The following TSHZ2 variants were observed in gnomAD, a reference collection of about 807,000 sequenced individuals.
TSHZ2 encodes teashirt homolog 2.
TSHZ2 carries 21 observed loss-of-function variants against 74.4 expected under a neutral mutation model. The observed-to-expected ratio is 0.28, with a 90% confidence interval of 0.20 to 0.41. The LOEUF is 0.41. Ranked by LOEUF, TSHZ2 falls within the 10% of genes least tolerant of loss-of-function variation. The probability of loss-of-function intolerance (pLI) is 1.00; values close to 1 mark genes in which losing one functional copy is unlikely to be tolerated. For missense variants in TSHZ2, 1,244 were observed against 1,293.5 expected, an observed-to-expected ratio of 0.96 and a Z score of 0.59; for synonymous variants, 540 against 515.3, an observed-to-expected ratio of 1.05 and a Z score of -0.65.
At chr20:53,343,893 C>T (rs966793165) in intron 2 of TSHZ2, among the ~76,000 whole-genome samples, 8 of 152,182 alleles carry the variant, frequency 5.3e-5, no homozygotes, top group Non-Finnish European at 7.3e-5. Context: ...AGCCTATCCC[C>T]GGCTCTAGCG....
chr20:53,126,863 C>G (rs1238972712), intron 1 of TSHZ2, among the ~76,000 whole-genome samples: 1 of 152,082 alleles, frequency 6.6e-6, no homozygotes, highest in African/African-American at 2.4e-5. Flanking sequence ...GAAATCTGAG[C>G]AATCCATCAG....
At chr20:53,319,805 G>A (rs577583512) in intron 2 of TSHZ2, among the ~76,000 whole-genome samples, 6 of 152,306 alleles carry the variant, frequency 3.9e-5, no homozygotes, top group East Asian at 1.9e-4. Context: ...AGCCTAGAGC[G>A]GAGCAAGCAC....
chr20:53,482,807 G>C (rs1986189784), intron 2 of TSHZ2, among the ~76,000 whole-genome samples: 1 of 152,080 alleles, frequency 6.6e-6, no homozygotes, highest in South Asian at 2.1e-4. Context: ...TCAGGAGGCT[G>C]AGGTGGGAAG....
chr20:53,238,446 G>A (rs1450237927), intron 1 of TSHZ2, among the ~76,000 whole-genome samples: 1 of 152,064 alleles, frequency 6.6e-6, no homozygotes, highest in East Asian at 1.9e-4. Context: ...TTCCACCTTT[G>A]AGTCATAGGT....
At chr20:53,357,039 C>T (rs1189213625) in intron 2 of TSHZ2, among the ~76,000 whole-genome samples, 1 of 151,890 alleles carries the variant, frequency 6.6e-6, no homozygotes, top group African/African-American at 2.4e-5. Context: ...TTTTTAAATC[C>T]CTAAAACACA....
intron 1 of TSHZ2, among the ~76,000 whole-genome samples, chr20:53,216,477 A>G (rs544024937): frequency 6.6e-6 from 1 of 152,360 alleles, no homozygotes; most frequent in East Asian, 1.9e-4. Flanking sequence ...ACCCCTAGCT[A>G]GGATATGTCA....
chr20:53,379,240 G>A (rs987041759), intron 2 of TSHZ2, among the ~76,000 whole-genome samples: 1 of 152,162 alleles, frequency 6.6e-6, no homozygotes, highest in Non-Finnish European at 1.5e-5. Context: ...AAATTAGCCA[G>A]CCGTGGTGTC....
At chr20:53,017,681 A>G (rs6013602) in intron 1 of TSHZ2, among the ~76,000 whole-genome samples, 11,854 of 152,198 alleles carry the variant, frequency 0.078, 553 homozygotes, top group East Asian at 0.13. Flanking sequence ...CAAACAGCCT[A>G]ATATTTACTA....
chr20:53,051,569 A>C (rs2123132177), intron 1 of TSHZ2, among the ~76,000 whole-genome samples: 1 of 152,266 alleles, frequency 6.6e-6, no homozygotes, highest in Non-Finnish European at 1.5e-5. Flanking sequence ...GAAAACATCA[A>C]GATATCAAGT....
intron 1 of TSHZ2, among the ~76,000 whole-genome samples, chr20:53,203,451 C>T (rs1467195458): frequency 6.6e-6 from 1 of 151,974 alleles, no homozygotes; most frequent in Non-Finnish European, 1.5e-5. Context: ...CACCTCCACC[C>T]AAATTTTAAG....
intron 1 of TSHZ2, among the ~76,000 whole-genome samples, chr20:53,250,719 A>G (rs1338538532): frequency 6.6e-6 from 1 of 151,428 alleles, no homozygotes; most frequent in Non-Finnish European, 1.5e-5. Context: ...TTTTATCTGT[A>G]TTGTGGGGGA....
chr20:53,289,939 A>T (rs955880890), intron 2 of TSHZ2, among the ~76,000 whole-genome samples: 1 of 152,246 alleles, frequency 6.6e-6, no homozygotes, highest in Non-Finnish European at 1.5e-5. Context: ...CTATTATTTC[A>T]ATGATAACTT....
chr20:53,452,598 CAAAAAAA>C (rs11313655), intron 2 of TSHZ2, among the ~76,000 whole-genome samples: 2 of 121,302 alleles, frequency 1.6e-5, no homozygotes, highest in South Asian at 2.6e-4. Flanking sequence ...GACTCTGTCT[CAAAAAAA>C]AAAAAAAAAA....
At chr20:53,110,158 A>T (rs1986490997) in intron 1 of TSHZ2, among the ~76,000 whole-genome samples, 1 of 152,104 alleles carries the variant, frequency 6.6e-6, no homozygotes, top group South Asian at 2.1e-4. Flanking sequence ...GGGCATTTCC[A>T]AATTCTTACA....
chr20:53,196,830 G>A (rs1600735538), intron 1 of TSHZ2, among the ~76,000 whole-genome samples: 1 of 152,260 alleles, frequency 6.6e-6, no homozygotes, highest in Non-Finnish European at 1.5e-5. Flanking sequence ...ATATTTGCCA[G>A]ATTTGCCATG....
intron 2 of TSHZ2, among the ~76,000 whole-genome samples, chr20:53,294,718 A>T (rs1033179109): frequency 6.6e-6 from 1 of 152,224 alleles, no homozygotes; most frequent in Admixed American, 6.5e-5. Flanking sequence ...CAGTCCATCA[A>T]GAGGTTCTGA....
intron 2 of TSHZ2, among the ~76,000 whole-genome samples, chr20:53,450,396 A>G (rs901781911): frequency 3.9e-5 from 6 of 152,258 alleles, no homozygotes; most frequent in Admixed American, 2.6e-4. Flanking sequence ...TTGCCAGTAT[A>G]TAGTCCCTAA....
chr20:53,210,055 G>C (rs890463171), intron 1 of TSHZ2, among the ~76,000 whole-genome samples: 1 of 152,218 alleles, frequency 6.6e-6, no homozygotes, highest in East Asian at 1.9e-4. Context: ...ATAATGAAAC[G>C]GGAGAGTTCC....
intron 2 of TSHZ2, among the ~76,000 whole-genome samples, chr20:53,376,037 C>A (rs1340868580): frequency 6.6e-6 from 1 of 152,148 alleles, no homozygotes; most frequent in Non-Finnish European, 1.5e-5. Context: ...AATGAGGAAG[C>A]CTTGCCTTAG....
Sources: allele counts gnomAD v4.1 joint callset (sites outside exome capture counted in the v4.1 genomes callset), GRCh38; gene constraint gnomAD v4.1.1; transcripts MANE v1.5; gene names NCBI Gene and HGNC (gene_info 2026-07-23, HGNC 2026-07-21).